ARHGAP17: variants seen among roughly 807,000 people sequenced by gnomAD.
ARHGAP17 encodes rho GTPase-activating protein 17.
ARHGAP17 carries 57 observed loss-of-function variants against 99.5 expected under a neutral mutation model. The observed-to-expected ratio is 0.57, with a 90% CI of 0.46 to 0.71. ARHGAP17 has a LOEUF of 0.71. ARHGAP17 is among the 30% of genes least tolerant of loss of function. The probability of loss-of-function intolerance (pLI) is 0.00; values close to 1 mark genes in which losing one functional copy is unlikely to be tolerated. For synonymous variants in ARHGAP17, 417 were observed against 429.6 expected (o/e 0.97, Z 0.36); for missense variants, 1,000 against 1,122.4 (o/e 0.89, Z 1.56).
chr16:24,950,538 GAAAAGCTCA>G (rs1567224607), intron 12 of ARHGAP17, among the ~76,000 whole-genome samples: 1 of 152,110 alleles, frequency 6.6e-6, no homozygotes, highest in Non-Finnish European at 1.5e-5. Context: ...CAATTACAGA[GAAAAGCTCA>G]AATGCGGCTG....
In ARHGAP17 at chr16:24,937,160, G is replaced by A. The variant is rs148201736; in HGVS notation, c.1725-1521C>T. Among the ~76,000 whole-genome samples the A allele has an allele frequency of 1.8e-3, 271 of 151,060 alleles. 6 individuals are homozygous for A. The East Asian group carries it at 0.047, about 26-fold the overall frequency. ...AAAACAGGCCGGGGCAGTAGCTCAC[G>A]CCTGTAATCCCAGCACTTTGGGAGG... On this transcript the variant is annotated intron_variant, in intron 17 of 19. Transcript: ENST00000289968.
intron 14 of ARHGAP17, among the ~76,000 whole-genome samples, chr16:24,947,019 T>A (rs933595771): frequency 6.6e-6 from 1 of 152,220 alleles, no homozygotes; most frequent in Non-Finnish European, 1.5e-5. Flanking sequence ...TTTTTATTAA[T>A]GTGCTAAGTA....
chr16:24,969,945 G>A (rs1171190911), intron 4 of ARHGAP17, among the ~76,000 whole-genome samples: 12 of 152,098 alleles, frequency 7.9e-5, no homozygotes, highest in Admixed American at 7.9e-4. Flanking sequence ...CAGGGCTAGA[G>A]AACACCAGCC....
At chr16:24,996,091 C>A (rs2053184348) in intron 1 of ARHGAP17, among the ~76,000 whole-genome samples, 1 of 152,114 alleles carries the variant, frequency 6.6e-6, no homozygotes, top group Non-Finnish European at 1.5e-5. Flanking sequence ...AAATTCCCAA[C>A]ATTTCAGTGA....
intron 7 of ARHGAP17, 76 bp from the exon 8 acceptor site, chr16:24,960,055 G>GAGCT (rs1222569435): frequency 7.3e-7 from 1 of 1,377,902 alleles, no homozygotes; most frequent in Non-Finnish European, 1.0e-6. Context: ...CAATCTCTGT[G>GAGCT]AGCTCTTAGA....
chr16:24,934,705 C>T (rs1367743024), intron 18 of ARHGAP17, among the ~76,000 whole-genome samples: 2 of 152,154 alleles, frequency 1.3e-5, no homozygotes, highest in African/African-American at 2.4e-5. Flanking sequence ...GATCTTCCTG[C>T]CTCAGCCTCC....
intron 13 of ARHGAP17, chr16:24,949,009 T>C (rs1048792479): frequency 1.9e-5 from 3 of 155,030 alleles, no homozygotes; most frequent in Admixed American, 6.5e-5. Flanking sequence ...AGTAAGATGA[T>C]TTATACTTTA....
chr16:24,948,999 A>G (rs1046008226), intron 13 of ARHGAP17: 1 of 153,942 alleles, frequency 6.5e-6, no homozygotes, highest in Non-Finnish European at 1.4e-5. Context: ...AATTTTATTT[A>G]GTAAGATGAT....
intron 1 of ARHGAP17, among the ~76,000 whole-genome samples, chr16:24,983,056 G>A (rs2052751765): frequency 7.4e-6 from 1 of 134,238 alleles, no homozygotes; most frequent in Admixed American, 8.2e-5. Context: ...CCAGGCTGGA[G>A]TGCAGTGCCA....
Position 24,931,168 on chromosome 16 carries a change from G to C in ARHGAP17, c.2131C>G (p.Pro711Ala), listed in dbSNP as rs1364099014. 3.8e-6 allele frequency: 6 copies of C among 1,595,376 alleles called. No homozygotes were observed. The highest frequency in any genetic ancestry group is 5.1e-6 in the Non-Finnish European group (6 of 1,171,324). ...GGGGGCTGCGGCGGTGGGTGATTGG[G>C]AGCTTGGATTGGAGACAAGCTGCTG... ...YSSSLSPIQA[P>A]NHPPPQPPTQ... The change falls in exon 19 of 20, where the codon CCC (proline) becomes GCC (alanine). Residue 711 changes from proline (P) to alanine (A), a missense_variant. Physicochemically the swap from Pro to Ala is conservative, Grantham distance 27 (BLOSUM62 -1). Coordinates refer to ENST00000289968, the MANE Select transcript of ARHGAP17 (RefSeq NM_001006634.3).
chr16:24,946,740 A>G (rs1418999358), intron 14 of ARHGAP17, among the ~76,000 whole-genome samples: 1 of 152,282 alleles, frequency 6.6e-6, no homozygotes, highest in South Asian at 2.1e-4. Context: ...AAACCTCCAT[A>G]AACAAACCTT....
intron 1 of ARHGAP17, among the ~76,000 whole-genome samples, chr16:24,984,683 A>G (rs2052803962): frequency 6.6e-6 from 1 of 151,982 alleles, no homozygotes; most frequent in African/African-American, 2.4e-5. Context: ...AGAAATACAC[A>G]CTGAATGAAT....
intron 6 of ARHGAP17, 82 bp from the exon 7 acceptor site, chr16:24,964,390 T>C (rs559883176): frequency 1.1e-6 from 1 of 923,592 alleles, no homozygotes; most frequent in African/African-American, 1.7e-5. Flanking sequence ...TGGAGATAGA[T>C]CCTTCCCCAC....
chr16:24,966,265 G>A (rs2052177261), intron 6 of ARHGAP17, among the ~76,000 whole-genome samples: 1 of 152,176 alleles, frequency 6.6e-6, no homozygotes, highest in African/African-American at 2.4e-5. Context: ...GGGAGGTCAA[G>A]AAGAGACATT....
intron 1 of ARHGAP17, among the ~76,000 whole-genome samples, chr16:24,993,351 C>T (rs534677795): frequency 2.0e-5 from 3 of 152,050 alleles, no homozygotes; most frequent in African/African-American, 7.2e-5. Context: ...TTTGGGAGGC[C>T]GAGGTGGGCG....
chr16:24,980,205 C>G (rs530054747), intron 1 of ARHGAP17, among the ~76,000 whole-genome samples: 35 of 152,300 alleles, frequency 2.3e-4, no homozygotes, highest in African/African-American at 8.4e-4. Flanking sequence ...CGAAATGCTG[C>G]TAAGCTCAGA....
chr16:24,934,699 T>A (rs1567211902), intron 18 of ARHGAP17, among the ~76,000 whole-genome samples: 1 of 149,876 alleles, frequency 6.7e-6, no homozygotes, highest in Non-Finnish European at 1.5e-5. Flanking sequence ...TCAAGCGATC[T>A]TCCTGCCTCA....
intron 3 of ARHGAP17, among the ~76,000 whole-genome samples, chr16:24,975,447 A>C (rs1215212347): frequency 6.6e-6 from 1 of 152,200 alleles, no homozygotes; most frequent in Admixed American, 6.5e-5. Context: ...GAGCAGAAGA[A>C]GGCAACAGAA....
chr16:24,992,358 A>G (rs1221978186), intron 1 of ARHGAP17, among the ~76,000 whole-genome samples: 1 of 151,746 alleles, frequency 6.6e-6, no homozygotes, highest in Non-Finnish European at 1.5e-5. Context: ...TTTTTTGGAG[A>G]CAGAGTCTTG....
Sources: gnomAD v4.1 joint callset for allele counts (sites outside exome capture counted in the v4.1 genomes callset) on GRCh38, gnomAD v4.1.1 for gene constraint, MANE v1.5 for transcripts, NCBI Gene and HGNC (gene_info 2026-07-23, HGNC 2026-07-21) for gene names.